Variants in ADARB2 observed in about 807,000 individuals in gnomAD.
ADARB2 encodes inactive double-stranded RNA-specific editase B2.
ADARB2 carries 25 observed loss-of-function variants against 62.2 expected under a neutral mutation model. The observed-to-expected ratio is 0.40, with a 90% CI of 0.29 to 0.56. The LOEUF (loss-of-function observed/expected upper bound fraction) is 0.56. Ranked by LOEUF, ADARB2 falls within the 20% of genes least tolerant of loss-of-function variation. The pLI is 0.43. For missense variants in ADARB2, 1,071 were observed against 1,077.4 expected (o/e 0.99, Z 0.08); for synonymous variants, 572 against 500.8 (o/e 1.14, Z -1.90).
chr10:1,532,347 C>A (rs1435651597), intron 1 of ADARB2, among the ~76,000 whole-genome samples: 2 of 152,194 alleles, frequency 1.3e-5, no homozygotes, highest in African/African-American at 4.8e-5. Context: ...TGACCCTCAT[C>A]ATCTGAAAGC....
chr10:1,587,504 G>A (rs1214470519), intron 1 of ADARB2, among the ~76,000 whole-genome samples: 1 of 152,110 alleles, frequency 6.6e-6, no homozygotes, highest in Non-Finnish European at 1.5e-5. Context: ...GTGGTTCTGT[G>A]TGAATATGGT....
chr10:1,556,925 T>C (rs1299364131), intron 1 of ADARB2: 1 of 454,482 alleles, frequency 2.2e-6, no homozygotes, highest in Non-Finnish European at 4.6e-6. Context: ...CTATTTTTGG[T>C]GACCTCAATA....
chr10:1,669,857 C>T (rs996323615), intron 1 of ADARB2, among the ~76,000 whole-genome samples: 2 of 151,484 alleles, frequency 1.3e-5, no homozygotes, highest in Non-Finnish European at 2.9e-5. Context: ...CTCATAGAGA[C>T]ACACAGACAC....
intron 3 of ADARB2, among the ~76,000 whole-genome samples, chr10:1,324,418 A>C (rs756956501): frequency 3.9e-5 from 6 of 152,250 alleles, no homozygotes; most frequent in Non-Finnish European, 8.8e-5. Flanking sequence ...ATTTATGTTC[A>C]CACAGAAAAT....
At chr10:1,193,132 C>T (rs946060255) in intron 8 of ADARB2, among the ~76,000 whole-genome samples, 3 of 152,194 alleles carry the variant, frequency 2.0e-5, no homozygotes, top group African/African-American at 4.8e-5. Context: ...GTGAATGTCC[C>T]GGGTGCAAGT....
intron 7 of ADARB2, among the ~76,000 whole-genome samples, chr10:1,212,798 C>T (rs558969003): frequency 1.3e-5 from 2 of 152,142 alleles, no homozygotes; most frequent in African/African-American, 4.8e-5. Flanking sequence ...GTGGCAGGCA[C>T]CCTGCAGCTG....
At chr10:1,506,416 C>T (rs957823893) in intron 1 of ADARB2, among the ~76,000 whole-genome samples, 1 of 152,204 alleles carries the variant, frequency 6.6e-6, no homozygotes, top group African/African-American at 2.4e-5. Flanking sequence ...TCAATTCCCC[C>T]ACTACGGTAT....
chr10:1,343,841 T>C (rs1832054104), intron 3 of ADARB2, among the ~76,000 whole-genome samples: 1 of 151,910 alleles, frequency 6.6e-6, no homozygotes, highest in Non-Finnish European at 1.5e-5. Flanking sequence ...TGGCCACAAA[T>C]GGGGGAGCAA....
intron 8 of ADARB2, among the ~76,000 whole-genome samples, chr10:1,191,516 G>A (rs1836845541): frequency 6.6e-6 from 1 of 152,184 alleles, no homozygotes; most frequent in Admixed American, 6.5e-5. Flanking sequence ...AAGCGGCCTT[G>A]GGAATAACGC....
chr10:1,385,459 CA>C (rs34687232), intron 1 of ADARB2, among the ~76,000 whole-genome samples: 57,962 of 150,360 alleles, frequency 0.39, 11,718 homozygotes, highest in Non-Finnish European at 0.45. Flanking sequence ...ATAAATAAAA[CA>C]AAAATTCTCA....
At chr10:1,612,944 T>A (rs902490269) in intron 1 of ADARB2, among the ~76,000 whole-genome samples, 9 of 152,212 alleles carry the variant, frequency 5.9e-5, no homozygotes, top group African/African-American at 2.2e-4. Context: ...TATTTTAAAT[T>A]ATAGTGTCTG....
At chr10:1,578,707 G>A (rs1417149645) in intron 1 of ADARB2, among the ~76,000 whole-genome samples, 1 of 151,732 alleles carries the variant, frequency 6.6e-6, no homozygotes, top group Non-Finnish European at 1.5e-5. Flanking sequence ...ACATGCTCAT[G>A]CACACTCACA....
intron 3 of ADARB2, among the ~76,000 whole-genome samples, chr10:1,327,305 G>T (rs184279922): frequency 9.5e-4 from 29 of 30,434 alleles, no homozygotes; most frequent in African/African-American, 2.2e-3. Flanking sequence ...GCCTCCCCAC[G>T]GCACAGCACC....
chr10:1,342,780 T>C (rs937050186), intron 3 of ADARB2, among the ~76,000 whole-genome samples: 7 of 152,248 alleles, frequency 4.6e-5, no homozygotes, highest in Non-Finnish European at 8.8e-5. Context: ...AGAGGTCTTT[T>C]GCTGTGATCA....
intron 3 of ADARB2, among the ~76,000 whole-genome samples, chr10:1,333,757 G>A (rs1440412349): frequency 3.3e-5 from 5 of 152,192 alleles, no homozygotes; most frequent in Admixed American, 6.5e-5. Context: ...TGGGGCCGAT[G>A]GTGAGAGGAG....
intron 1 of ADARB2, among the ~76,000 whole-genome samples, chr10:1,401,424 A>G (rs1832661506): frequency 1.3e-5 from 2 of 152,192 alleles, no homozygotes. Context: ...GGGGTTTCAC[A>G]GCACACGGGT....
chr10:1,659,628 C>T (rs1033286652), intron 1 of ADARB2, among the ~76,000 whole-genome samples: 1 of 152,248 alleles, frequency 6.6e-6, no homozygotes, highest in African/African-American at 2.4e-5. Flanking sequence ...AATCCCAGCC[C>T]AACTTTCAGA....
intron 1 of ADARB2, among the ~76,000 whole-genome samples, chr10:1,483,790 G>T (rs975839444): frequency 1.1e-5 from 1 of 87,990 alleles, no homozygotes; most frequent in Non-Finnish European, 2.5e-5. Context: ...AGTTAGTGTT[G>T]AGCTTGCCAT....
rs528021699 is a variant in ADARB2, at chr10:1,592,343, G to C, written c.100+144708C>G. 5.0e-5 allele frequency among the ~76,000 whole-genome samples: 7 copies of C among 139,724 alleles called. No individual in the cohort carries two copies. The East Asian group carries it at 1.3e-3, about 26-fold the overall frequency. 91.7% of individuals were successfully genotyped at this position (139,724 alleles called of 152,430 possible). Reference sequence around the variant, plus strand: ...TCCCTCGCCCAAGCCACCCTCCATAGGTCTCCTCTCTGGCATGGTCCCCTC... The same window carrying C: ...TCCCTCGCCCAAGCCACCCTCCATACGTCTCCTCTCTGGCATGGTCCCCTC... On this transcript the variant is annotated intron_variant, in intron 1 of 9. Coordinates refer to ENST00000381312, the MANE Select transcript of ADARB2 (RefSeq NM_018702.4).
Sources: gnomAD v4.1 joint callset for allele counts (sites outside exome capture counted in the v4.1 genomes callset) on GRCh38, gnomAD v4.1.1 for gene constraint, MANE v1.5 for transcripts, NCBI Gene and HGNC (gene_info 2026-07-23, HGNC 2026-07-21) for gene names.